EPHA3: variants seen among roughly 807,000 people sequenced by gnomAD.
EPHA3 encodes the protein ephrin type-A receptor 3.
EPHA3 carries 42 observed loss-of-function variants against 107.1 expected under a neutral mutation model. That is an observed-to-expected ratio of 0.39 (90% CI 0.31 to 0.51). The LOEUF is 0.51. Among genes scored for constraint, EPHA3 ranks in the 20% least tolerant of loss-of-function variants. The pLI, the probability that EPHA3 is intolerant of heterozygous loss-of-function variation, is 0.78. For missense variants in EPHA3, 1,183 were observed against 1,211.2 expected, an observed-to-expected ratio of 0.98 and a Z score of 0.35; for synonymous variants, 461 against 424.8, an observed-to-expected ratio of 1.09 and a Z score of -1.05.
chr3:89,346,735 G>C (rs1707666492), intron 5 of EPHA3, among the ~76,000 whole-genome samples: 1 of 149,426 alleles, frequency 6.7e-6, no homozygotes, highest in South Asian at 2.1e-4. Context: ...TTCTTCTAGG[G>C]TTTTTATGGT....
intron 2 of EPHA3, among the ~76,000 whole-genome samples, chr3:89,151,546 G>A (rs1704690488): frequency 6.6e-6 from 1 of 152,040 alleles, no homozygotes; most frequent in Non-Finnish European, 1.5e-5. Flanking sequence ...GCAGGAAGAG[G>A]CAGCTCACTG....
At chr3:89,337,832 G>C (rs1376523708) in intron 3 of EPHA3, among the ~76,000 whole-genome samples, 1 of 152,064 alleles carries the variant, frequency 6.6e-6, no homozygotes, top group Non-Finnish European at 1.5e-5. Flanking sequence ...AAGAAACCTA[G>C]GCCACAGTGA....
intron 2 of EPHA3, among the ~76,000 whole-genome samples, chr3:89,156,275 T>C (rs758334239): frequency 2.0e-5 from 3 of 152,078 alleles, no homozygotes; most frequent in Non-Finnish European, 4.4e-5. Context: ...CCTTTGTATC[T>C]GGGTGTTCCT....
chr3:89,441,511 C>T (rs530514777), intron 13 of EPHA3, among the ~76,000 whole-genome samples: 1 of 152,284 alleles, frequency 6.6e-6, no homozygotes, highest in South Asian at 2.1e-4. Context: ...AACACATCTT[C>T]ATAAATAATT....
chr3:89,243,563 G>A (rs1485747523), intron 3 of EPHA3, among the ~76,000 whole-genome samples: 1 of 152,164 alleles, frequency 6.6e-6, no homozygotes, highest in African/African-American at 2.4e-5. Flanking sequence ...CTTTTGAGAA[G>A]TGTCTGTTCA....
chr3:89,331,014 C>A (rs1453617061), intron 3 of EPHA3, among the ~76,000 whole-genome samples: 1 of 151,988 alleles, frequency 6.6e-6, no homozygotes, highest in Non-Finnish European at 1.5e-5. Context: ...CAAATAAAAA[C>A]TGTGGTGAGT....
At chr3:89,219,697 T>TTG (rs1559606337) in intron 3 of EPHA3, among the ~76,000 whole-genome samples, 145 of 13,310 alleles carry the variant, frequency 0.011, 40 homozygotes, top group East Asian at 0.041. Flanking sequence ...TGTTTTTTTT[T>TTG]TTTTTGTTTT....
intron 2 of EPHA3, among the ~76,000 whole-genome samples, chr3:89,132,506 A>G (rs1334295338): frequency 5.9e-5 from 9 of 152,172 alleles, no homozygotes; most frequent in Non-Finnish European, 1.3e-4. Context: ...CAGGTTAAGA[A>G]CATTGGTTAG....
At chr3:89,224,869 G>C (rs1311408682) in intron 3 of EPHA3, among the ~76,000 whole-genome samples, 1 of 150,950 alleles carries the variant, frequency 6.6e-6, no homozygotes, top group Non-Finnish European at 1.5e-5. Flanking sequence ...TAATAATAAT[G>C]ATAATAAATA....
At chr3:89,456,318 T>C (rs1710096670) in intron 15 of EPHA3, among the ~76,000 whole-genome samples, 1 of 152,200 alleles carries the variant, frequency 6.6e-6, no homozygotes, top group Non-Finnish European at 1.5e-5. Flanking sequence ...GTTATTCAGA[T>C]CAGTGCATAG....
intron 10 of EPHA3, among the ~76,000 whole-genome samples, chr3:89,415,716 G>A (rs2107524106): frequency 6.6e-6 from 1 of 151,154 alleles, no homozygotes; most frequent in African/African-American, 2.4e-5. Context: ...TTCAACGATT[G>A]AATACTAAAA....
chr3:89,382,574 G>A (rs1486491427), intron 5 of EPHA3, among the ~76,000 whole-genome samples: 1 of 151,894 alleles, frequency 6.6e-6, no homozygotes, highest in Non-Finnish European at 1.5e-5. Flanking sequence ...ACCAGGGTCA[G>A]TCAGGAGGCA....
In EPHA3 at chr3:89,412,836, C is replaced by T. The variant is rs568941397; in HGVS notation, c.1763-305C>T. On this transcript the variant is annotated intron_variant, in intron 9 of 16. Transcript: ENST00000336596. ...CCTGGTAGTAATGACTAGGTCTAAT[C>T]AGTTCTGAATTATCTTTCTTCTTAA... Among the ~76,000 whole-genome samples the T allele has an allele frequency of 6.6e-5, 10 of 151,836 alleles. No homozygotes were observed. The South Asian group carries it at 2.1e-3, about 31-fold the overall frequency.
intron 15 of EPHA3, among the ~76,000 whole-genome samples, chr3:89,452,894 A>T (rs1475838805): frequency 1.3e-5 from 2 of 152,162 alleles, no homozygotes; most frequent in Non-Finnish European, 2.9e-5. Flanking sequence ...TAATAGTTTA[A>T]TAAGTTAAGT....
chr3:89,152,863 C>G (rs1444992016), intron 2 of EPHA3, among the ~76,000 whole-genome samples: 4 of 151,968 alleles, frequency 2.6e-5, no homozygotes, highest in Non-Finnish European at 4.4e-5. Context: ...AACTAAATTC[C>G]AGAATTTTGA....
At chr3:89,110,357 T>C (rs896540383) in intron 1 of EPHA3, among the ~76,000 whole-genome samples, 2 of 151,942 alleles carry the variant, frequency 1.3e-5, no homozygotes, top group African/African-American at 4.8e-5. Context: ...GTGTGATGTG[T>C]TTTTTAATTT....
intron 13 of EPHA3, among the ~76,000 whole-genome samples, chr3:89,446,691 T>G (rs1457107313): frequency 6.6e-6 from 1 of 152,128 alleles, no homozygotes; most frequent in Admixed American, 6.6e-5. Flanking sequence ...AAAGGGCTTT[T>G]TTTTTTCTTT....
In EPHA3 at chr3:89,209,810, G is replaced by A. The variant is rs567227921; in HGVS notation, c.154-50G>A. Reference sequence around the variant, plus strand: ...GCTCTGACACCCTTATGTTGTATTCGTTATTATCATTAATTCTGCCTCACT... The same window carrying A: ...GCTCTGACACCCTTATGTTGTATTCATTATTATCATTAATTCTGCCTCACT... On this transcript the variant is annotated intron_variant, in intron 2 of 16. Transcript: ENST00000336596. The A allele has an allele frequency of 2.3e-5, 34 of 1,466,324 alleles. No individual in the cohort carries two copies. The Middle Eastern group carries it at 5.4e-4, about 23-fold the overall frequency. 90.8% of individuals were successfully genotyped at this position (1,466,324 alleles called of 1,614,324 possible).
intron 3 of EPHA3, among the ~76,000 whole-genome samples, chr3:89,270,863 A>G (rs1240752725): frequency 1.3e-5 from 2 of 152,144 alleles, no homozygotes; most frequent in Admixed American, 6.6e-5. Flanking sequence ...AAAGTTATTA[A>G]GAAAATCATA....
Sources: gnomAD v4.1 joint callset for allele counts (sites outside exome capture counted in the v4.1 genomes callset) on GRCh38, gnomAD v4.1.1 for gene constraint, MANE v1.5 for transcripts, NCBI Gene and HGNC (gene_info 2026-07-23, HGNC 2026-07-21) for gene names.